Variants in KCNH7 observed in about 807,000 individuals in gnomAD.
The protein encoded by KCNH7 is voltage-gated inwardly rectifying potassium channel KCNH7.
A neutral mutation model predicts 120.8 loss-of-function variants in KCNH7; 49 were observed. That is an observed-to-expected ratio of 0.41 (90% CI 0.32 to 0.51). KCNH7 has a LOEUF of 0.51. Ranked by LOEUF, KCNH7 falls within the 20% of genes least tolerant of loss-of-function variation. The probability of loss-of-function intolerance (pLI) is 0.38; values close to 1 mark genes in which losing one functional copy is unlikely to be tolerated. For synonymous variants in KCNH7, 547 were observed against 516.1 expected, an observed-to-expected ratio of 1.06 and a Z score of -0.81; for missense variants, 1,097 against 1,446.6, an observed-to-expected ratio of 0.76 and a Z score of 3.92.
intron 2 of KCNH7, among the ~76,000 whole-genome samples, chr2:162,741,141 C>T (rs76725199): frequency 0.02 from 3,097 of 151,540 alleles, 69 homozygotes; most frequent in East Asian, 0.11. Flanking sequence ...TATTTAGTTT[C>T]ATGTCATGGC....
intron 2 of KCNH7, among the ~76,000 whole-genome samples, chr2:162,675,886 G>T (rs1685515716): frequency 6.6e-6 from 1 of 151,196 alleles, no homozygotes; most frequent in African/African-American, 2.4e-5. Context: ...AAATCATGAA[G>T]GTGGCATGCA....
intron 2 of KCNH7, among the ~76,000 whole-genome samples, chr2:162,668,819 T>C (rs1559073082): frequency 6.6e-6 from 1 of 152,310 alleles, no homozygotes; most frequent in African/African-American, 2.4e-5. Context: ...TTATTTTGCT[T>C]ACAAATGTAA....
intron 2 of KCNH7, among the ~76,000 whole-genome samples, chr2:162,696,106 G>T (rs762044050): frequency 1.3e-5 from 2 of 152,050 alleles, no homozygotes; most frequent in Non-Finnish European, 2.9e-5. Flanking sequence ...AAGTGATAAG[G>T]TGATCATTAA....
chr2:162,550,886 GATAATAATAATA>G (rs34251777), intron 2 of KCNH7, among the ~76,000 whole-genome samples: 2 of 147,872 alleles, frequency 1.4e-5, no homozygotes, highest in African/African-American at 2.5e-5. Context: ...AACTAGGCTA[GATAATAATAATA>G]ATAATAATAA....
intron 2 of KCNH7, among the ~76,000 whole-genome samples, chr2:162,736,937 C>A (rs1463778906): frequency 6.6e-6 from 1 of 152,014 alleles, no homozygotes; most frequent in Non-Finnish European, 1.5e-5. Flanking sequence ...GAAGTATATT[C>A]TTTTTATTAC....
At chr2:162,689,468 G>A (rs1686025509) in intron 2 of KCNH7, among the ~76,000 whole-genome samples, 1 of 151,760 alleles carries the variant, frequency 6.6e-6, no homozygotes, top group African/African-American at 2.4e-5. Context: ...AATTATTATG[G>A]GTATTTAGAT....
chr2:162,542,357 G>A (rs113876900), intron 2 of KCNH7, among the ~76,000 whole-genome samples: 5,266 of 148,626 alleles, frequency 0.035, 404 homozygotes, highest in Admixed American at 0.19. Context: ...CCATTAACTC[G>A]TCATTTAGCA....
intron 2 of KCNH7, among the ~76,000 whole-genome samples, chr2:162,551,353 A>C (rs1248508055): frequency 6.6e-6 from 1 of 152,196 alleles, no homozygotes; most frequent in Non-Finnish European, 1.5e-5. Context: ...AACTATATTC[A>C]TGAATGAAAA....
intron 6 of KCNH7, among the ~76,000 whole-genome samples, chr2:162,496,610 T>A (rs907998101): frequency 1.2e-4 from 19 of 152,148 alleles, no homozygotes; most frequent in African/African-American, 4.6e-4. Flanking sequence ...TCCATGTGCC[T>A]ACTTTTTCCT....
intron 6 of KCNH7, among the ~76,000 whole-genome samples, chr2:162,447,561 T>A (rs563400178): frequency 1.2e-4 from 18 of 152,258 alleles, no homozygotes; most frequent in African/African-American, 3.1e-4. Context: ...TATTTCAAAG[T>A]TAATTTCACT....
Position 162,400,387 on chromosome 2 carries a change from G to C in KCNH7, c.2209C>G (p.Gln737Glu), listed in dbSNP as rs1687034797. 1 of 1,612,210 alleles carries C rather than the reference G, an allele frequency of 6.2e-7. No individual in the cohort carries two copies. The highest frequency in any genetic ancestry group is 8.5e-7 in the Non-Finnish European group (1 of 1,178,798). The stretch of plus-strand genomic sequence containing the variant: ...GCTTTGCAGTTTTGCAGCAATGTCT[G>C]GTTGAGATGTAGACAAATGTCTGCT... ...LQADICLHLNQTLLQNCKAFR... is the reference protein window; with the variant it reads ...LQADICLHLNETLLQNCKAFR... Residue 737 changes from glutamine to glutamate, a missense_variant, in exon 10 of 16, where the codon CAG becomes GAG. Gln to Glu is a conservative substitution (Grantham distance 29). Around this residue, in one of 8 missense-constraint regions of KCNH7, gnomAD observed 101 missense variants for 176.3 expected, o/e 0.57. Coordinates refer to ENST00000332142, the MANE Select transcript of KCNH7 (RefSeq NM_033272.4).
At chr2:162,800,734 A>G (rs1282557202) in intron 2 of KCNH7, among the ~76,000 whole-genome samples, 2 of 151,944 alleles carry the variant, frequency 1.3e-5, no homozygotes, top group Non-Finnish European at 2.9e-5. Context: ...TTTGAATGCT[A>G]AAACACAATG....
intron 2 of KCNH7, among the ~76,000 whole-genome samples, chr2:162,739,972 A>C (rs1236262883): frequency 2.6e-5 from 4 of 152,186 alleles, no homozygotes; most frequent in Non-Finnish European, 5.9e-5. Flanking sequence ...AAACTAATCC[A>C]AATAAGAGGA....
intron 2 of KCNH7, among the ~76,000 whole-genome samples, chr2:162,697,238 T>A (rs1441120991): frequency 2.0e-5 from 3 of 152,076 alleles, no homozygotes; most frequent in Non-Finnish European, 4.4e-5. Flanking sequence ...TTTGATCCAG[T>A]CTGAATCCAT....
chr2:162,792,588 T>A (rs1683987133), intron 2 of KCNH7, among the ~76,000 whole-genome samples: 1 of 152,032 alleles, frequency 6.6e-6, no homozygotes, highest in East Asian at 1.9e-4. Flanking sequence ...TATAATATTA[T>A]CTGGTGGTTG....
At chr2:162,766,042 T>A (rs1015863666) in intron 2 of KCNH7, among the ~76,000 whole-genome samples, 1 of 152,190 alleles carries the variant, frequency 6.6e-6, no homozygotes, top group Non-Finnish European at 1.5e-5. Context: ...CAGAACTTTT[T>A]TTTTTCTTTT....
At chr2:162,709,437 C>T (rs16847195) in intron 2 of KCNH7, among the ~76,000 whole-genome samples, 5,428 of 152,054 alleles carry the variant, frequency 0.036, 316 homozygotes, top group African/African-American at 0.12. Context: ...TTTCCTTCCC[C>T]TAAAATAACT....
intron 2 of KCNH7, among the ~76,000 whole-genome samples, chr2:162,778,875 T>C (rs1422302856): frequency 2.0e-5 from 3 of 152,240 alleles, no homozygotes; most frequent in South Asian, 2.1e-4. Context: ...ATTCATTGAG[T>C]TATACGCATT....
chr2:162,702,316 C>G (rs937972844), intron 2 of KCNH7, among the ~76,000 whole-genome samples: 3 of 152,030 alleles, frequency 2.0e-5, no homozygotes, highest in African/African-American at 7.2e-5. Flanking sequence ...AAATCTGAGG[C>G]TATTACACCA....
Sources: gnomAD v4.1 joint callset for allele counts (sites outside exome capture counted in the v4.1 genomes callset) on GRCh38, gnomAD v4.1.1 for gene constraint, gnomAD v4.1.1 regional missense constraint, MANE v1.5 for transcripts, NCBI Gene and HGNC (gene_info 2026-07-23, HGNC 2026-07-21) for gene names.